ARL13B: variants seen among roughly 807,000 people sequenced by gnomAD.
ARL13B encodes ARF like GTPase 13B.
Under a neutral mutation model 56.1 loss-of-function variants are expected in ARL13B, and 36 were observed. That is an observed-to-expected ratio of 0.64 (90% CI 0.49 to 0.85). The LOEUF (loss-of-function observed/expected upper bound fraction) is 0.85, where lower values mean the gene tolerates loss of function less well. Ranked by LOEUF, ARL13B falls within the 40% of genes least tolerant of loss-of-function variation. The probability of loss-of-function intolerance (pLI) is 0.00; values close to 1 mark genes in which losing one functional copy is unlikely to be tolerated. For synonymous variants in ARL13B, 178 were observed against 171.1 expected, an observed-to-expected ratio of 1.04 and a Z score of -0.32; for missense variants, 519 against 507.1, an observed-to-expected ratio of 1.02 and a Z score of -0.23.
At chr3:94,017,529 T>A (rs1339435497) in intron 3 of ARL13B, among the ~76,000 whole-genome samples, 2 of 152,196 alleles carry the variant, frequency 1.3e-5, no homozygotes, top group Non-Finnish European at 2.9e-5. Context: ...TTCCTTTGGT[T>A]TTAAAGGACT....
intron 2 of ARL13B, among the ~76,000 whole-genome samples, chr3:94,002,088 G>A (rs978591264): frequency 1.3e-5 from 2 of 152,098 alleles, no homozygotes; most frequent in Non-Finnish European, 2.9e-5. Context: ...CCTAAGTTTA[G>A]TGAATGCCTT....
At chr3:94,032,032 C>G (rs1302983613) in intron 3 of ARL13B, among the ~76,000 whole-genome samples, 1 of 152,072 alleles carries the variant, frequency 6.6e-6, no homozygotes, top group Non-Finnish European at 1.5e-5. Context: ...ACTAAGACCT[C>G]AAAAGCAAAA....
intron 7 of ARL13B, among the ~76,000 whole-genome samples, chr3:94,047,199 G>C (rs1458261340): frequency 6.6e-6 from 1 of 152,080 alleles, no homozygotes; most frequent in Non-Finnish European, 1.5e-5. Flanking sequence ...AATTTTTATA[G>C]TATCACAGGG....
At chr3:94,053,009 C>T (rs1398424671) in intron 9 of ARL13B, among the ~76,000 whole-genome samples, 178 bp from the exon 10 acceptor site, 1 of 152,098 alleles carries the variant, frequency 6.6e-6, no homozygotes, top group African/African-American at 2.4e-5. Flanking sequence ...GGTGCCATCT[C>T]TTAAGATTTA....
intron 1 of ARL13B, among the ~76,000 whole-genome samples, chr3:93,987,641 G>GA (rs1292645387): frequency 6.6e-6 from 1 of 151,694 alleles, no homozygotes; most frequent in African/African-American, 2.4e-5. Flanking sequence ...CAAAAATCTA[G>GA]AAAACCTCTA....
At chr3:94,007,875 A>G (rs1444269978) in intron 3 of ARL13B, among the ~76,000 whole-genome samples, 1 of 152,196 alleles carries the variant, frequency 6.6e-6, no homozygotes, top group Admixed American at 6.5e-5. Context: ...TGGCAGTTGT[A>G]TAGCATTTAT....
chr3:93,986,069 G>A (rs753020400), intron 1 of ARL13B, among the ~76,000 whole-genome samples: 4 of 152,118 alleles, frequency 2.6e-5, no homozygotes, highest in Non-Finnish European at 5.9e-5. Flanking sequence ...GTACAGATTA[G>A]CAAGGATTAT....
rs200661744 is a variant in ARL13B, at chr3:94,035,456, T to A, written c.486+20T>A. On this transcript the variant is annotated intron_variant, in intron 4 of 9. Transcript: ENST00000394222. ...CAGATAGTAAGGTTTTTTTTTTTTT[T>A]TTAATTTTAATTTTTTGTCCTTTCA... The A allele has an allele frequency of 2.7e-6, 4 of 1,502,006 alleles. No homozygotes were observed. In the East Asian group the frequency reaches 9.1e-5, roughly 34 times the overall value. The allele number at this position is 1,502,006 out of a possible 1,614,324, so 93.0% of individuals were successfully genotyped here. A position where few individuals can be genotyped will look rare whatever the true frequency, so the allele number is the denominator to read the frequency against.
chr3:94,033,943 A>G (rs1338894226), intron 3 of ARL13B, among the ~76,000 whole-genome samples: 2 of 152,190 alleles, frequency 1.3e-5, no homozygotes, highest in African/African-American at 2.4e-5. Flanking sequence ...TACAAATGTC[A>G]TGGGAGGAAA....
rs137978294 is a variant in ARL13B, at chr3:93,992,967, A to ATT, written c.60-2890_60-2889dup. Among the ~76,000 whole-genome samples the ATT allele has an allele frequency of 1.4e-4, 16 of 114,534 alleles. No homozygotes were observed. The East Asian group carries it at 2.1e-3, about 15-fold the overall frequency. The allele number at this position is 114,534 out of a possible 152,430, so 75.1% of individuals were successfully genotyped here. A position where few individuals can be genotyped will look rare whatever the true frequency, so the allele number is the denominator to read the frequency against. On this transcript the variant is annotated intron_variant, in intron 1 of 9. Transcript: ENST00000394222. ...CGCTGCCATGCCTGCTAATTTTTGT[A>ATT]TTTTTTTTTTTTTTTTTTGTAGTGA...
chr3:94,024,736 C>G (rs1353081255), intron 3 of ARL13B, among the ~76,000 whole-genome samples: 1 of 152,042 alleles, frequency 6.6e-6, no homozygotes, highest in East Asian at 1.9e-4. Context: ...CAGTTGCATG[C>G]CACTGTGCTT....
intron 2 of ARL13B, among the ~76,000 whole-genome samples, chr3:93,999,382 A>C (rs1473563958): frequency 6.6e-6 from 1 of 152,096 alleles, no homozygotes; most frequent in East Asian, 1.9e-4. Context: ...GCTAGACTAG[A>C]GGTGTGCTCC....
chr3:94,044,063 C>T (rs894302278), intron 7 of ARL13B, among the ~76,000 whole-genome samples: 4 of 152,152 alleles, frequency 2.6e-5, no homozygotes, highest in African/African-American at 7.2e-5. Context: ...ATTACAGCCT[C>T]TGCCTGCCCG....
At chr3:94,016,424 A>G (rs2107497571) in intron 3 of ARL13B, among the ~76,000 whole-genome samples, 1 of 151,684 alleles carries the variant, frequency 6.6e-6, no homozygotes, top group Middle Eastern at 3.4e-3. Context: ...TAGATGGTGT[A>G]AAATTTGGAG....
At chr3:94,008,294 C>T (rs569249898) in intron 3 of ARL13B, among the ~76,000 whole-genome samples, 2 of 152,226 alleles carry the variant, frequency 1.3e-5, no homozygotes, top group Non-Finnish European at 2.9e-5. Context: ...CTCTTGCCTG[C>T]TCCCCACCCC....
chr3:94,034,079 G>T (rs548661835), intron 3 of ARL13B, among the ~76,000 whole-genome samples: 1 of 152,108 alleles, frequency 6.6e-6, no homozygotes, highest in Non-Finnish European at 1.5e-5. Flanking sequence ...GGAGAATATT[G>T]AGTAAATTGA....
In ARL13B at chr3:94,035,389, C is replaced by A; in HGVS notation, c.439C>A (p.Leu147Ile). The A allele has an allele frequency of 6.2e-7, 1 of 1,605,766 alleles. No homozygotes were observed. Among genetic ancestry groups the A allele is most frequent in the Non-Finnish European group, 8.5e-7 (1 of 1,178,058 alleles). ...ALGEADVIEC[L>I]SLEKLVNEHK... ...AGGAGAAGCTGATGTCATTGAATGTCTATCTCTGGAAAAATTGGTCAATGA... is the reference window on the plus strand; with the variant it reads ...AGGAGAAGCTGATGTCATTGAATGTATATCTCTGGAAAAATTGGTCAATGA... Residue 147 changes from leucine to isoleucine, a missense_variant, in exon 4 of 10, where the codon CTA (leucine) becomes ATA (isoleucine). By Grantham distance (5) the Leu-to-Ile change is conservative. Coordinates refer to ENST00000394222, the MANE Select transcript of ARL13B (RefSeq NM_001174150.2).
At position 94,045,684 on chromosome 3, in the gene ARL13B, C is replaced by T. The variant is rs552310028; in HGVS notation, c.1024+2444C>T. The stretch of plus-strand genomic sequence containing the variant: ...TTAAGACATACTATAAAGTAGTGGC[C>T]GGGCACAGTGGCTCATACCTGTAAT... On this transcript the variant is annotated intron_variant, in intron 7 of 9. Transcript: ENST00000394222. Among the ~76,000 whole-genome samples the T allele has an allele frequency of 3.0e-4, 45 of 151,780 alleles. 1 individual carries two copies. In the East Asian group the frequency reaches 6.8e-3, roughly 23 times the overall value.
intron 1 of ARL13B, among the ~76,000 whole-genome samples, chr3:93,989,658 C>T (rs188821242): frequency 6.6e-6 from 1 of 151,940 alleles, no homozygotes; most frequent in East Asian, 1.9e-4. Flanking sequence ...CATTATATCC[C>T]TTTAGAGTAG....
Sources: allele counts gnomAD v4.1 joint callset (sites outside exome capture counted in the v4.1 genomes callset), GRCh38; gene constraint gnomAD v4.1.1; transcripts MANE v1.5; gene names NCBI Gene and HGNC (gene_info 2026-07-23, HGNC 2026-07-21).